The following ERC1 variants were observed in gnomAD, a reference collection of about 807,000 sequenced individuals.
ERC1 encodes RAB6 interacting protein 2.
A neutral mutation model predicts 132.0 loss-of-function variants in ERC1; 56 were observed. The observed-to-expected ratio is 0.42, with a 90% confidence interval of 0.34 to 0.53. The LOEUF (loss-of-function observed/expected upper bound fraction) is 0.53. ERC1 is among the 20% of genes least tolerant of loss of function. The probability of loss-of-function intolerance (pLI) is 0.03; values close to 1 mark genes in which losing one functional copy is unlikely to be tolerated. For missense variants in ERC1, 1,202 were observed against 1,349.9 expected, an observed-to-expected ratio of 0.89 and a Z score of 1.72; for synonymous variants, 478 against 476.1, an observed-to-expected ratio of 1.00 and a Z score of -0.05.
intron 15 of ERC1, among the ~76,000 whole-genome samples, chr12:1,344,996 AAG>A (rs2084299682): frequency 6.6e-6 from 1 of 152,186 alleles, no homozygotes; most frequent in Admixed American, 6.5e-5. Context: ...AGAAAGAATA[AAG>A]AAAAAAACAG....
chr12:1,304,266 T>C (rs2080658604), intron 15 of ERC1, among the ~76,000 whole-genome samples: 1 of 152,238 alleles, frequency 6.6e-6, no homozygotes. Context: ...TGTTGATTTT[T>C]GTCCTCAGGC....
At chr12:1,121,045 G>A (rs184331047) in intron 7 of ERC1, among the ~76,000 whole-genome samples, 50 of 152,326 alleles carry the variant, frequency 3.3e-4, no homozygotes, top group African/African-American at 1.1e-3. Flanking sequence ...GAATATGTAT[G>A]ATAATATCTA....
At chr12:1,254,033 CAAA>C in intron 13 of ERC1, among the ~76,000 whole-genome samples, 1 of 152,124 alleles carries the variant, frequency 6.6e-6, no homozygotes, top group African/African-American at 2.4e-5. Context: ...TTGATTTCAG[CAAA>C]TATGTGAGGC....
chr12:1,415,628 G>A (rs544330693), intron 17 of ERC1, among the ~76,000 whole-genome samples: 8 of 152,340 alleles, frequency 5.3e-5, no homozygotes, highest in Admixed American at 5.2e-4. Context: ...CCATAGAAGG[G>A]AGGTGTTAAA....
At position 1,175,763 on chromosome 12, in the gene ERC1, G is replaced by T. The variant is rs567786825; in HGVS notation, c.1738-4777G>T. On this transcript the variant is annotated intron_variant, in intron 8 of 18. Coordinates refer to ENST00000360905, the MANE Select transcript of ERC1 (RefSeq NM_178040.4). ...TTGGCCAGGCTGGTCTTGAACTCCT[G>T]ACCTCAAGTGATCTGCCTGCCTCGG... Among the ~76,000 whole-genome samples the T allele has an allele frequency of 7.2e-5, 11 of 152,208 alleles. No individual in the cohort carries two copies. In the South Asian group the frequency reaches 2.3e-3, roughly 32 times the overall value.
At chr12:1,259,243 T>G (rs1203291336) in intron 13 of ERC1, among the ~76,000 whole-genome samples, 1 of 152,160 alleles carries the variant, frequency 6.6e-6, no homozygotes, top group Non-Finnish European at 1.5e-5. Context: ...GTTGTTTATT[T>G]TTATCTTTCC....
At chr12:1,009,310 G>A (rs1964280758) in intron 1 of ERC1, among the ~76,000 whole-genome samples, 1 of 151,980 alleles carries the variant, frequency 6.6e-6, no homozygotes, top group Non-Finnish European at 1.5e-5. Context: ...GAGTAGCTGG[G>A]ACTACAGGTG....
chr12:1,003,096 C>CAAAAAAAAAAAAAA (rs59507923), intron 1 of ERC1, among the ~76,000 whole-genome samples: 1 of 86,902 alleles, frequency 1.2e-5, no homozygotes, highest in Non-Finnish European at 2.0e-5. Flanking sequence ...ATGAAAAATG[C>CAAAAAAAAAAAAAA]AAAAAAAAAA....
At chr12:1,346,536 C>A (rs2084468352) in intron 15 of ERC1, among the ~76,000 whole-genome samples, 1 of 152,152 alleles carries the variant, frequency 6.6e-6, no homozygotes, top group Non-Finnish European at 1.5e-5. Context: ...TACTGACAAA[C>A]CTTTCATTTC....
chr12:1,010,527 T>C (rs1283378901), intron 1 of ERC1, among the ~76,000 whole-genome samples: 1 of 122,296 alleles, frequency 8.2e-6, no homozygotes, highest in Non-Finnish European at 1.7e-5. Context: ...TTTTTTTTTT[T>C]GACAGAGAGT....
intron 8 of ERC1, among the ~76,000 whole-genome samples, chr12:1,171,301 G>T (rs1160946872): frequency 6.6e-6 from 1 of 151,486 alleles, no homozygotes; most frequent in African/African-American, 2.4e-5. Context: ...TCTCATCGCT[G>T]GAAACAAGTG....
intron 15 of ERC1, among the ~76,000 whole-genome samples, chr12:1,337,135 T>C (rs1003813142): frequency 2.0e-5 from 3 of 152,140 alleles, no homozygotes; most frequent in South Asian, 2.1e-4. Context: ...GATCTAATAC[T>C]GTTAGTGGGG....
At chr12:1,123,194 A>G (rs1376689577) in intron 7 of ERC1, among the ~76,000 whole-genome samples, 1 of 152,212 alleles carries the variant, frequency 6.6e-6, no homozygotes, top group Non-Finnish European at 1.5e-5. Context: ...TAAGCTTAAG[A>G]AAATACAAGC....
chr12:1,257,698 T>C (rs527353487), intron 13 of ERC1, among the ~76,000 whole-genome samples: 1 of 152,304 alleles, frequency 6.6e-6, no homozygotes, highest in Admixed American at 6.5e-5. Context: ...ATGTGTCATA[T>C]AGCCTTTTAT....
At chr12:1,060,636 G>C (rs1418682271) in intron 2 of ERC1, among the ~76,000 whole-genome samples, 1 of 152,038 alleles carries the variant, frequency 6.6e-6, no homozygotes, top group Non-Finnish European at 1.5e-5. Context: ...GATCTCATGA[G>C]ACTTATTCAC....
intron 15 of ERC1, among the ~76,000 whole-genome samples, chr12:1,295,917 C>T (rs2079884559): frequency 6.6e-6 from 1 of 150,732 alleles, no homozygotes; most frequent in South Asian, 2.1e-4. Flanking sequence ...CTTTTAATTA[C>T]CAGACATGCA....
intron 5 of ERC1, among the ~76,000 whole-genome samples, chr12:1,111,025 T>C (rs1015359573): frequency 6.6e-6 from 1 of 152,058 alleles, no homozygotes; most frequent in Admixed American, 6.6e-5. Flanking sequence ...TTTAATGAAA[T>C]GGGTGAAATG....
intron 12 of ERC1, among the ~76,000 whole-genome samples, chr12:1,204,982 C>T (rs539478370): frequency 2.0e-5 from 3 of 152,242 alleles, no homozygotes; most frequent in Admixed American, 1.3e-4. Flanking sequence ...ATTTTGGTTT[C>T]ATTTTGTGAC....
Position 1,254,379 on chromosome 12 carries a change from C to G in ERC1, c.2488-8655C>G, listed in dbSNP as rs1037097784. Among the ~76,000 whole-genome samples, 10 of 152,222 alleles carry G rather than the reference C, an allele frequency of 6.6e-5. No homozygotes were observed. The East Asian group carries it at 1.7e-3, about 26-fold the overall frequency. ...ATTCCCCTAGGCTGCCAATTTAATG[C>G]TTTTTTCTAATTAGTGAGTGCTATA... On this transcript the variant is annotated intron_variant, in intron 13 of 18. Transcript: ENST00000360905.
Sources: gnomAD v4.1 joint callset for allele counts (sites outside exome capture counted in the v4.1 genomes callset) on GRCh38, gnomAD v4.1.1 for gene constraint, MANE v1.5 for transcripts, NCBI Gene and HGNC (gene_info 2026-07-23, HGNC 2026-07-21) for gene names.